SH3BP2: variants seen among roughly 807,000 people sequenced by gnomAD.
SH3BP2 encodes the protein SH3 domain-binding protein 2.
In SH3BP2, 38 loss-of-function variants were observed where a neutral mutation model predicts 56.2. The ratio of observed to expected loss-of-function variants is 0.68; its 90% confidence interval spans 0.52 to 0.89. SH3BP2 has a LOEUF of 0.89. Ranked by LOEUF, SH3BP2 falls within the 40% of genes least tolerant of loss-of-function variation. The pLI, the probability that SH3BP2 is intolerant of heterozygous loss-of-function variation, is 0.00. For missense variants in SH3BP2, 748 were observed against 762.6 expected (o/e 0.98, Z 0.23); for synonymous variants, 346 against 316.7 (o/e 1.09, Z -0.98).
intron 1 of SH3BP2, chr4:2,812,312 TG>T: frequency 6.5e-7 from 1 of 1,549,064 alleles, no homozygotes; most frequent in South Asian, 1.2e-5. Context: ...GAGTGAGCTG[TG>T]GGCACAGCTG....
At chr4:2,832,899 G>T in intron 11 of SH3BP2, 91 bp from the exon 12 acceptor site, 2 of 1,325,332 alleles carry the variant, frequency 1.5e-6, no homozygotes, top group Non-Finnish European at 2.2e-6. Flanking sequence ...CAGCCTTGAT[G>T]GTTCTGCCCC....
chr4:2,799,546 A>G (rs1179342852), intron 1 of SH3BP2, among the ~76,000 whole-genome samples: 4 of 152,162 alleles, frequency 2.6e-5, no homozygotes, highest in Non-Finnish European at 5.9e-5. Flanking sequence ...AGATTGAGAA[A>G]GGACCCCCAA....
rs1361366311 is a variant in SH3BP2, at chr4:2,810,339, G to C, written c.-4-10275G>C. Among the ~76,000 whole-genome samples, 1 of 151,380 alleles carries C rather than the reference G, an allele frequency of 6.6e-6. No homozygotes were observed. Among genetic ancestry groups the C allele is most frequent in the Non-Finnish European group, 1.5e-5 (1 of 67,856 alleles). ...ACTCCCCCTGTAGCATCACAGCATT[G>C]GACCAGGGCTGTGGGGGGAATGGGC... On this transcript the variant is annotated intron_variant, in intron 1 of 12. Coordinates refer to ENST00000503393, the MANE Select transcript of SH3BP2 (RefSeq NM_001122681.2). This position sits in a 1 kb window ranked among gnomAD's most constrained non-coding sequence, Gnocchi z 4.2.
In SH3BP2 at chr4:2,840,234, C is replaced by CAAAAAAAAAAAAAAAAAA. The variant is rs568332811; in HGVS notation, c.*6403_*6420dup. 9.7e-5 allele frequency: 8 copies of CAAAAAAAAAAAAAAAAAA among 82,810 alleles called. No homozygotes were observed. Among genetic ancestry groups the CAAAAAAAAAAAAAAAAAA allele is most frequent in the Middle Eastern group, 8.2e-3 (1 of 122 alleles). The allele number at this position is 82,810 out of a possible 1,614,324, so 5.1% of individuals were successfully genotyped here. Reference sequence around the variant, plus strand: ...AGTGAGACCCTATCTCAAAAAAAACCAAAAAAAAAAAAAAAAAAAAGAAAA... The same window carrying CAAAAAAAAAAAAAAAAAA: ...AGTGAGACCCTATCTCAAAAAAAACCAAAAAAAAAAAAAAAAAAAAAAAAAAAAAAAAAAAAAAGAAAA... On this transcript the variant is annotated 3_prime_UTR_variant, in exon 13 of 13. Transcript: ENST00000503393.
At chr4:2,819,436 G>C (rs950604558) in intron 1 of SH3BP2, among the ~76,000 whole-genome samples, 1 of 152,108 alleles carries the variant, frequency 6.6e-6, no homozygotes, top group African/African-American at 2.4e-5. Context: ...TGTTGCCCTG[G>C]CTTAGTTTTC....
intron 3 of SH3BP2, 45 bp downstream of exon 3, chr4:2,823,082 C>T (rs769909103): frequency 7.2e-6 from 10 of 1,389,850 alleles, no homozygotes; most frequent in South Asian, 2.3e-5. Context: ...CCACAGCCAG[C>T]GGGTCCCTCC....
At chr4:2,798,478 G>C (rs2108695937) in intron 1 of SH3BP2, 1 of 152,428 alleles carries the variant, frequency 6.6e-6, no homozygotes, top group Non-Finnish European at 1.5e-5. Context: ...CAGGCTCAGA[G>C]CCAGAGGAGG....
Position 2,831,943 on chromosome 4 carries a change from C to G in SH3BP2, c.1371C>G (p.Val457=). The change falls in exon 10 of 13, where the codon GTC becomes GTG. Residue 457 remains valine (V), a synonymous_variant. Transcript: ENST00000503393. The surrounding 1 kb of genome is among the most constrained non-coding windows in gnomAD (Gnocchi z 4.1). The part of the protein sequence containing the change: ...DYEKVPLPNS[V]FVNTTESCEV... ...TGCAGGTGCCACTGCCCAACTCGGT[C>G]TTCGTCAACACCACGGAGTCCTGCG... The G allele has an allele frequency of 6.2e-7, 1 of 1,613,042 alleles. No homozygotes were observed. Among genetic ancestry groups the G allele is most frequent in the African/African-American group, 1.3e-5 (1 of 75,052 alleles).
At chr4:2,817,730 T>G (rs1784147) in intron 1 of SH3BP2, 36,520 of 152,290 alleles carry the variant, frequency 0.24, 6,797 homozygotes, top group African/African-American at 0.52. Context: ...AATCCGGGGC[T>G]GGAGGCCCAT....
At chr4:2,820,379 G>C (rs1029901351) in intron 1 of SH3BP2, among the ~76,000 whole-genome samples, 1 of 152,218 alleles carries the variant, frequency 6.6e-6, no homozygotes, top group African/African-American at 2.4e-5. Context: ...CAGGATCCTG[G>C]GGTTGGGTTT....
Position 2,825,167 on chromosome 4 carries a change from C to T in SH3BP2, c.399C>T (p.His133=), listed in dbSNP as rs747940067. 1.3e-5 allele frequency: 21 copies of T among 1,584,106 alleles called. No individual in the cohort carries two copies. Among genetic ancestry groups the T allele is most frequent in the East Asian group, 7.0e-5 (3 of 43,124 alleles). ...ALLRREIGHF[H]EKKDLPLDTS... ...TGCGCAGGGAGATTGGCCACTTCCA[C>T]GAAAAGAAAGACCTGCCCTTGGACA... Residue 133 remains histidine, a synonymous_variant, in exon 5 of 13, where the codon CAC becomes CAT. Transcript: ENST00000503393.
intron 1 of SH3BP2, chr4:2,817,907 T>C (rs1266776590): frequency 6.6e-6 from 1 of 151,910 alleles, no homozygotes; most frequent in Non-Finnish European, 1.5e-5. Flanking sequence ...GAGCCGAGGC[T>C]CCCGCGCCGG....
chr4:2,823,277 A>G (rs1724408923), intron 3 of SH3BP2: 1 of 581,362 alleles, frequency 1.7e-6, no homozygotes, highest in Admixed American at 2.3e-5. Context: ...TTTGTGCACA[A>G]GTCCCAGAGG....
intron 1 of SH3BP2, among the ~76,000 whole-genome samples, chr4:2,813,262 G>C (rs910322287): frequency 5.3e-5 from 8 of 152,264 alleles, no homozygotes; most frequent in African/African-American, 1.7e-4. Flanking sequence ...TGTGCGCCAA[G>C]CTGGGCCGTG....
chr4:2,830,853 C>T (rs557353456), intron 8 of SH3BP2, among the ~76,000 whole-genome samples: 1 of 152,308 alleles, frequency 6.6e-6, no homozygotes, highest in South Asian at 2.1e-4. Context: ...GGCACGCGCA[C>T]CCCCGAATGC....
rs527708074 is a variant in SH3BP2 at position 2,829,394 on chromosome 4, T to C, written c.587-99T>C. 1.9e-5 allele frequency: 24 copies of C among 1,284,518 alleles called. No homozygotes were observed. The highest frequency in any genetic ancestry group is 2.7e-5 in the Non-Finnish European group (24 of 882,640). 79.6% of individuals were successfully genotyped at this position (1,284,518 alleles called of 1,614,324 possible). ...GGCAGGCTGTGGGGTGGGCCTACCA[T>C]GGGTTGCACTCCTGGTTGGCCTGGC... On this transcript the variant is annotated intron_variant, in intron 7 of 12. Coordinates refer to ENST00000503393, the MANE Select transcript of SH3BP2 (RefSeq NM_001122681.2). This position sits in a 1 kb window ranked among gnomAD's most constrained non-coding sequence, Gnocchi z 4.9.
rs373550968 is a variant in SH3BP2 at position 2,801,313 on chromosome 4, A to G, written c.-5+8175A>G. On this transcript the variant is annotated intron_variant, in intron 1 of 12. Transcript: ENST00000503393. ...GGGCCACGCTGAGGGTGAGGACAGG[A>G]GCCAGCGGGCATGAGTCATCCTGTC... is the stretch of plus-strand genomic sequence containing the variant. Among the ~76,000 whole-genome samples, 14 of 152,288 alleles carry G rather than the reference A, an allele frequency of 9.2e-5. No individual in the cohort carries two copies. The East Asian group carries it at 1.4e-3, about 15-fold the overall frequency.
chr4:2,808,353 T>C (rs868054821), intron 1 of SH3BP2, among the ~76,000 whole-genome samples: 1 of 152,236 alleles, frequency 6.6e-6, no homozygotes, highest in East Asian at 1.9e-4. Context: ...AGGGCCCACT[T>C]GGTCAATCCA....
At position 2,827,694 on chromosome 4, in the gene SH3BP2, C is replaced by T. The variant is rs1172365302; in HGVS notation, c.586+20C>T. On this transcript the variant is annotated intron_variant, in intron 7 of 12. Coordinates refer to ENST00000503393, the MANE Select transcript of SH3BP2 (RefSeq NM_001122681.2). ...TTGAGGGTAGGTGGGGCGGGTGGGC[C>T]CGGGGAGCTCTGGGTGTGTAGGAAG... 1 of 1,538,824 alleles carries T rather than the reference C, an allele frequency of 6.5e-7. No homozygotes were observed. The highest frequency in any genetic ancestry group is 8.8e-7 in the Non-Finnish European group (1 of 1,130,870).
Sources: gnomAD v4.1 joint callset for allele counts (sites outside exome capture counted in the v4.1 genomes callset) on GRCh38, gnomAD v4.1.1 for gene constraint, Gnocchi (gnomAD v3.1) non-coding constraint, MANE v1.5 for transcripts, NCBI Gene and HGNC (gene_info 2026-07-23, HGNC 2026-07-21) for gene names.